Variants in NCOA1 observed in about 807,000 individuals in gnomAD.
The protein encoded by NCOA1 is Hin-2 protein.
In NCOA1, 35 loss-of-function variants were observed where a neutral mutation model predicts 150.9. That is an observed-to-expected ratio of 0.23 (90% CI 0.18 to 0.31). NCOA1 has a LOEUF of 0.31. NCOA1 is among the 10% of genes least tolerant of loss of function. The pLI is 1.00. For missense variants in NCOA1, 1,491 were observed against 1,749.3 expected, an observed-to-expected ratio of 0.85 and a Z score of 2.63; for synonymous variants, 590 against 630.0, an observed-to-expected ratio of 0.94 and a Z score of 0.95.
intron 1 of NCOA1, among the ~76,000 whole-genome samples, chr2:24,552,428 A>G (rs1302577778): frequency 8.0e-6 from 1 of 124,676 alleles, no homozygotes; most frequent in Non-Finnish European, 1.6e-5. Flanking sequence ...GTGCAATGGC[A>G]TGATCTCAGT....
At chr2:24,567,134 G>A (rs1558799820) in intron 2 of NCOA1, among the ~76,000 whole-genome samples, 1 of 152,192 alleles carries the variant, frequency 6.6e-6, no homozygotes, top group Non-Finnish European at 1.5e-5. Flanking sequence ...CTCCTGAAAG[G>A]GGTTAGTGTA....
chr2:24,617,463 C>T (rs1433668278), intron 3 of NCOA1, among the ~76,000 whole-genome samples: 1 of 152,032 alleles, frequency 6.6e-6, no homozygotes, highest in East Asian at 1.9e-4. Flanking sequence ...CATAGTAATC[C>T]ATTCTCTTCT....
At position 24,707,700 on chromosome 2, in the gene NCOA1, A is replaced by G. The variant is rs1479147058; in HGVS notation, c.2230A>G (p.Lys744Glu). The part of the protein sequence containing the change: ...ELDASKKKES[K>E]DHQLLRYLLD... ...GGATGCTTCAAAGAAAAAAGAATCA[A>G]AAGACCATCAGCTCCTACGCTATCT... Residue 744 changes from lysine to glutamate, a missense_variant, in exon 13 of 23, where the codon AAA becomes GAA. By Grantham distance (56) the Lys-to-Glu change is moderately conservative (BLOSUM62 1). Coordinates refer to ENST00000348332, the MANE Select transcript of NCOA1 (RefSeq NM_003743.5). 6.2e-7 allele frequency: 1 copy of G among 1,614,218 alleles called. No individual in the cohort carries two copies. The highest frequency in any genetic ancestry group is 8.5e-7 in the Non-Finnish European group (1 of 1,180,014).
At chr2:24,636,889 G>A (rs1000035282) in intron 3 of NCOA1, among the ~76,000 whole-genome samples, 1 of 151,298 alleles carries the variant, frequency 6.6e-6, no homozygotes, top group Non-Finnish European at 1.5e-5. Context: ...TGTTAATATG[G>A]TAAATTATGT....
Position 24,653,593 on chromosome 2 carries a change from G to T in NCOA1, c.-17-5068G>T, listed in dbSNP as rs1055426524. 2.6e-5 allele frequency among the ~76,000 whole-genome samples: 4 copies of T among 152,052 alleles called. No individual in the cohort carries two copies. The East Asian group carries it at 7.7e-4, about 29-fold the overall frequency. ...TCTCTATCCTTTAGGTATTGTGTTA[G>T]ATATTGGATATACAATAAAAAGATC... On this transcript the variant is annotated intron_variant, in intron 4 of 22. Transcript: ENST00000348332.
rs368974868 is a variant in NCOA1 at position 24,747,378 on chromosome 2, G to C, written c.3707-4604G>C. 1.9e-4 allele frequency among the ~76,000 whole-genome samples: 23 copies of C among 118,252 alleles called. 1 individual carries two copies. The South Asian group carries it at 5.9e-3, about 30-fold the overall frequency. The allele number at this position is 118,252 out of a possible 152,430, so 77.6% of individuals were successfully genotyped here. On this transcript the variant is annotated intron_variant, in intron 19 of 22. Coordinates refer to ENST00000348332, the MANE Select transcript of NCOA1 (RefSeq NM_003743.5). ...TTTTGAGATAGGGTCTTGCTCTGTT[G>C]CCCAGGAGTGGCGTGATCATGGCTC...
intron 20 of NCOA1, 69 bp downstream of exon 20, chr2:24,752,225 A>G: frequency 6.6e-7 from 1 of 1,514,530 alleles, no homozygotes; most frequent in South Asian, 1.3e-5. Context: ...GATAAATGCT[A>G]CAGTGGTTGA....
intron 14 of NCOA1, among the ~76,000 whole-genome samples, chr2:24,719,987 T>C (rs976586434): frequency 1.3e-5 from 2 of 152,142 alleles, no homozygotes; most frequent in Non-Finnish European, 2.9e-5. Context: ...TGAGCAATAT[T>C]TGCATAATCA....
chr2:24,599,061 A>G (rs1295575494), intron 3 of NCOA1, among the ~76,000 whole-genome samples: 1 of 152,236 alleles, frequency 6.6e-6, no homozygotes, highest in Non-Finnish European at 1.5e-5. Context: ...GAGAATTGAC[A>G]GAACTTTGTG....
At chr2:24,620,018 A>G (rs1427687021) in intron 3 of NCOA1, among the ~76,000 whole-genome samples, 1 of 152,020 alleles carries the variant, frequency 6.6e-6, no homozygotes, top group Non-Finnish European at 1.5e-5. Flanking sequence ...AAAACAGCCT[A>G]CCCTCTCAGT....
chr2:24,554,885 C>T lies in NCOA1; in HGVS notation c.-395-9410C>T, dbSNP rs888144272. Among the ~76,000 whole-genome samples, 5 of 152,074 alleles carry T rather than the reference C, an allele frequency of 3.3e-5. No individual in the cohort carries two copies. In the South Asian group the frequency reaches 6.2e-4, roughly 19 times the overall value. On this transcript the variant is annotated intron_variant, in intron 1 of 22. Coordinates refer to ENST00000348332, the MANE Select transcript of NCOA1 (RefSeq NM_003743.5). ...AAAATGAAAGGACAGGATTGGAGTC[C>T]GCTTCTCTACTTACCGTTTTGATGA... is the stretch of plus-strand genomic sequence containing the variant.
intron 1 of NCOA1, among the ~76,000 whole-genome samples, chr2:24,521,884 C>T (rs1381993087): frequency 6.6e-6 from 1 of 152,122 alleles, no homozygotes; most frequent in Admixed American, 6.5e-5. Flanking sequence ...ACATCCTTGC[C>T]AAAACTTGTT....
At chr2:24,563,438 G>GA (rs1166768731) in intron 1 of NCOA1, among the ~76,000 whole-genome samples, 1 of 152,122 alleles carries the variant, frequency 6.6e-6, no homozygotes, top group East Asian at 1.9e-4. Context: ...TGATTGTAAA[G>GA]AAGATGTTAG....
chr2:24,764,029 A>G (rs1287095080), intron 22 of NCOA1, among the ~76,000 whole-genome samples: 1 of 152,156 alleles, frequency 6.6e-6, no homozygotes, highest in Non-Finnish European at 1.5e-5. Flanking sequence ...CTGTGGGGAG[A>G]AGTGAGGAAA....
chr2:24,749,680 A>G (rs1446562046), intron 19 of NCOA1, among the ~76,000 whole-genome samples: 1 of 152,198 alleles, frequency 6.6e-6, no homozygotes, highest in Non-Finnish European at 1.5e-5. Context: ...CATGTAGCCT[A>G]ACCACAGCCC....
chr2:24,549,313 T>A (rs1401024431), intron 1 of NCOA1, among the ~76,000 whole-genome samples: 1 of 152,154 alleles, frequency 6.6e-6, no homozygotes, highest in Non-Finnish European at 1.5e-5. Flanking sequence ...GTCCCTAGAC[T>A]GCATATAGCA....
At chr2:24,515,691 G>A (rs1404500684) in intron 1 of NCOA1, among the ~76,000 whole-genome samples, 1 of 152,188 alleles carries the variant, frequency 6.6e-6, no homozygotes, top group Non-Finnish European at 1.5e-5. Flanking sequence ...AAGAATATTG[G>A]AACATTATGG....
chr2:24,742,795 G>T (rs1663678092), intron 19 of NCOA1, among the ~76,000 whole-genome samples: 1 of 152,108 alleles, frequency 6.6e-6, no homozygotes, highest in African/African-American at 2.4e-5. Context: ...ATGGATTTTA[G>T]TACATTAATT....
chr2:24,723,269 C>A (rs1197776130), intron 14 of NCOA1, among the ~76,000 whole-genome samples: 2 of 152,096 alleles, frequency 1.3e-5, no homozygotes, highest in Non-Finnish European at 2.9e-5. Context: ...GGATGTCATT[C>A]TGTATCAGTG....
Sources: allele counts gnomAD v4.1 joint callset (sites outside exome capture counted in the v4.1 genomes callset), GRCh38; gene constraint gnomAD v4.1.1; transcripts MANE v1.5; gene names NCBI Gene and HGNC (gene_info 2026-07-23, HGNC 2026-07-21).